TRDN: variants seen among roughly 807,000 people sequenced by gnomAD.
The protein encoded by TRDN is triadin.
Under a neutral mutation model 149.7 loss-of-function variants are expected in TRDN, and 161 were observed. The ratio of observed to expected loss-of-function variants is 1.08; its 90% CI spans 0.95 to 1.23. The LOEUF is 1.23. TRDN is among the 50% of genes most tolerant of loss of function. The pLI, the probability that TRDN is intolerant of heterozygous loss-of-function variation, is 0.00. For missense variants in TRDN, 896 were observed against 823.5 expected (o/e 1.09, Z -1.08); for synonymous variants, 294 against 250.5 (o/e 1.17, Z -1.64).
At chr6:123,600,200 G>A (rs1010483211) in intron 1 of TRDN, among the ~76,000 whole-genome samples, 4 of 151,948 alleles carry the variant, frequency 2.6e-5, no homozygotes, top group Non-Finnish European at 4.4e-5. Flanking sequence ...TTGTGTTACC[G>A]TTCCCAGGCA....
intron 12 of TRDN, among the ~76,000 whole-genome samples, chr6:123,402,723 C>T (rs537155258): frequency 1.3e-5 from 2 of 151,992 alleles, no homozygotes; most frequent in East Asian, 1.9e-4. Flanking sequence ...TACAATGTCA[C>T]TGGAATACTC....
intron 26 of TRDN, among the ~76,000 whole-genome samples, chr6:123,275,181 C>A (rs927173069): frequency 1.3e-5 from 2 of 151,882 alleles, no homozygotes; most frequent in African/African-American, 2.4e-5. Flanking sequence ...TGAGTCCTAA[C>A]CCCCAGTACC....
At chr6:123,432,987 C>A (rs1583012736) in intron 12 of TRDN, among the ~76,000 whole-genome samples, 1 of 151,560 alleles carries the variant, frequency 6.6e-6, no homozygotes, top group East Asian at 2.0e-4. Flanking sequence ...CTCATCTATT[C>A]CAAGAGCATC....
chr6:123,254,813 TTTGTAA>T (rs1776497734), intron 37 of TRDN: 2 of 287,472 alleles, frequency 7.0e-6, no homozygotes, highest in Admixed American at 9.1e-5. Context: ...TAAAAAAGTC[TTTGTAA>T]TTGATAATTT....
rs897334612 is a variant in TRDN, at chr6:123,573,449, A to T, written c.23-2317T>A. On this transcript the variant is annotated intron_variant, in intron 1 of 40. Coordinates refer to ENST00000334268, the MANE Select transcript of TRDN (RefSeq NM_006073.4). ...CCAGCACAACTATGACTCTCACTAC[A>T]ACTACAAATATCACTCTAAGAAAAG... is the stretch of plus-strand genomic sequence containing the variant. Among the ~76,000 whole-genome samples, 6 of 152,182 alleles carry T rather than the reference A, an allele frequency of 3.9e-5. No homozygotes were observed. The Middle Eastern group carries it at 0.01, about 259-fold the overall frequency.
intron 7 of TRDN, among the ~76,000 whole-genome samples, chr6:123,505,246 A>C (rs1404241484): frequency 1.9e-4 from 1 of 5,172 alleles, no homozygotes; most frequent in African/African-American, 5.5e-4. Context: ...CTCTGTCTCA[A>C]AAAAAAAAAA....
intron 7 of TRDN, among the ~76,000 whole-genome samples, chr6:123,507,927 T>C (rs2114845383): frequency 6.6e-6 from 1 of 152,212 alleles, no homozygotes; most frequent in Non-Finnish European, 1.5e-5. Context: ...TAACAAATTT[T>C]CTCTCTCATT....
At chr6:123,258,868 G>A (rs570509663) in intron 35 of TRDN, among the ~76,000 whole-genome samples, 1 of 152,236 alleles carries the variant, frequency 6.6e-6, no homozygotes, top group South Asian at 2.1e-4. Context: ...AGTCTTGGGA[G>A]GGTGTGTGTA....
At chr6:123,283,146 A>T (rs963422490) in intron 24 of TRDN, among the ~76,000 whole-genome samples, 3 of 152,028 alleles carry the variant, frequency 2.0e-5, no homozygotes, top group Non-Finnish European at 2.9e-5. Context: ...TAAAATTAGA[A>T]TTCAATTCTA....
rs1776712719 is a variant in TRDN at position 123,260,143 on chromosome 6, G to T, written c.1831+469C>A. Among the ~76,000 whole-genome samples the T allele has an allele frequency of 2.0e-5, 3 of 151,706 alleles. No homozygotes were observed. In the Admixed American group the frequency reaches 2.0e-4, roughly 10 times the overall value. On this transcript the variant is annotated intron_variant, in intron 34 of 40. Coordinates refer to ENST00000334268, the MANE Select transcript of TRDN (RefSeq NM_006073.4). ...ATGCTTTGAAGACAAGCTAGGATAA[G>T]CCATGCCTTTGTTAACAAGTTTAAA...
chr6:123,350,599 C>T, intron 21 of TRDN: 1 of 713,706 alleles, frequency 1.4e-6, no homozygotes, highest in Non-Finnish European at 1.7e-6. Flanking sequence ...GTCATTATTA[C>T]TTCTCATATT....
chr6:123,393,738 A>G, intron 12 of TRDN, 61 bp from the exon 13 acceptor site: 1 of 1,477,474 alleles, frequency 6.8e-7, no homozygotes, highest in Non-Finnish European at 9.2e-7. Context: ...ATATAAATAA[A>G]AAAGGGACAG....
intron 6 of TRDN, among the ~76,000 whole-genome samples, chr6:123,515,920 C>T (rs952002110): frequency 1.1e-4 from 16 of 152,096 alleles, no homozygotes; most frequent in African/African-American, 3.4e-4. Context: ...ACTGACGCAA[C>T]ATTTCTGGAA....
intron 4 of TRDN, among the ~76,000 whole-genome samples, chr6:123,543,599 A>G (rs896051015): frequency 6.6e-6 from 1 of 152,004 alleles, no homozygotes; most frequent in African/African-American, 2.4e-5. Flanking sequence ...TCCCTTTTAT[A>G]TTTCTTAGAA....
At chr6:123,444,697 C>G (rs1029061610) in intron 10 of TRDN, among the ~76,000 whole-genome samples, 15 of 152,076 alleles carry the variant, frequency 9.9e-5, no homozygotes, top group African/African-American at 3.4e-4. Flanking sequence ...TACGGCCCAT[C>G]AATACCTAAT....
intron 10 of TRDN, among the ~76,000 whole-genome samples, chr6:123,443,988 G>A (rs1210933372): frequency 6.6e-6 from 1 of 151,098 alleles, no homozygotes; most frequent in Non-Finnish European, 1.5e-5. Context: ...GCTTAGGATT[G>A]ACTTGGCGAT....
At chr6:123,560,011 T>A (rs921137698) in intron 2 of TRDN, among the ~76,000 whole-genome samples, 3 of 152,210 alleles carry the variant, frequency 2.0e-5, no homozygotes. Flanking sequence ...ACAGACCCCA[T>A]GACTTCAGTC....
chr6:123,530,578 A>C lies in TRDN; in HGVS notation c.425-13T>G. ...TCTTTGTGTATTTCTAAGAAAAAAT[A>C]GAATTTATAATTTTAAAACTCTGAA... On this transcript the variant is annotated splice_polypyrimidine_tract_variant and intron_variant, in intron 4 of 40. Transcript: ENST00000334268. 1 of 1,220,054 alleles carries C rather than the reference A, an allele frequency of 8.2e-7. No homozygotes were observed. The allele number at this position is 1,220,054 out of a possible 1,614,324, so 75.6% of individuals were successfully genotyped here. A position where few individuals can be genotyped will look rare whatever the true frequency, so the allele number is the denominator to read the frequency against.
intron 1 of TRDN, among the ~76,000 whole-genome samples, chr6:123,593,131 GT>G (rs1432396422): frequency 6.6e-6 from 1 of 152,102 alleles, no homozygotes; most frequent in East Asian, 1.9e-4. Context: ...TGCTAAGGCA[GT>G]TTTCATAAGA....
Sources: gnomAD v4.1 joint callset for allele counts (sites outside exome capture counted in the v4.1 genomes callset) on GRCh38, gnomAD v4.1.1 for gene constraint, MANE v1.5 for transcripts, NCBI Gene and HGNC (gene_info 2026-07-23, HGNC 2026-07-21) for gene names.